RNF182: variants seen among roughly 807,000 people sequenced by gnomAD.
RNF182 encodes the protein ring finger protein 182, also known as E3 ubiquitin-protein ligase RNF182.
Under a neutral mutation model 14.4 loss-of-function variants are expected in RNF182, and 15 were observed. The ratio of observed to expected loss-of-function variants is 1.04; its 90% CI spans 0.70 to 1.60. RNF182 has a LOEUF of 1.60. Among genes scored for constraint, RNF182 ranks in the 40% most tolerant of loss-of-function variants. The probability of loss-of-function intolerance (pLI) is 0.00; values close to 1 mark genes in which losing one functional copy is unlikely to be tolerated. For missense variants in RNF182, 268 were observed against 294.8 expected, an observed-to-expected ratio of 0.91 and a Z score of 0.67; for synonymous variants, 128 against 122.9, an observed-to-expected ratio of 1.04 and a Z score of -0.27.
At chr6:13,951,159 A>G (rs1432774091) in intron 1 of RNF182, among the ~76,000 whole-genome samples, 7 of 152,156 alleles carry the variant, frequency 4.6e-5, no homozygotes, top group Non-Finnish European at 1.5e-5. Context: ...CACACACAAC[A>G]CATATAAATA....
chr6:13,927,385 G>A (rs1758856148), intron 1 of RNF182, among the ~76,000 whole-genome samples: 1 of 152,206 alleles, frequency 6.6e-6, no homozygotes, highest in African/African-American at 2.4e-5. Context: ...ATCCCCAGGT[G>A]TAAAATACTA....
At chr6:13,973,800 T>C (rs189415625) in intron 1 of RNF182, among the ~76,000 whole-genome samples, 8 of 152,322 alleles carry the variant, frequency 5.3e-5, no homozygotes, top group African/African-American at 1.9e-4. Context: ...AAACCTGACA[T>C]GTAGTCTAAT....
At chr6:13,952,632 C>T (rs2113616584) in intron 1 of RNF182, among the ~76,000 whole-genome samples, 1 of 152,234 alleles carries the variant, frequency 6.6e-6, no homozygotes, top group East Asian at 1.9e-4. Context: ...GGTATCATCC[C>T]TTCATGGCTC....
At chr6:13,938,419 A>G (rs1402832407) in intron 1 of RNF182, among the ~76,000 whole-genome samples, 2 of 151,430 alleles carry the variant, frequency 1.3e-5, no homozygotes, top group Non-Finnish European at 2.9e-5. Flanking sequence ...CTTGCTTTTA[A>G]CTCTTATAAT....
chr6:13,940,043 C>A lies in RNF182; in HGVS notation c.-367+15020C>A, dbSNP rs148727283. On this transcript the variant is annotated intron_variant, in intron 1 of 2. Transcript: ENST00000488300. ...TGCCTCATTGCTCTATCTAGGACCT[C>A]AATTATAATTTTGAATAGAAATGGT... Among the ~76,000 whole-genome samples the A allele has an allele frequency of 1.3e-3, 192 of 152,244 alleles. 2 individuals are homozygous for A. The highest frequency in any genetic ancestry group is 5.0e-3 in the South Asian group (24 of 4,828).
At chr6:13,966,241 A>G (rs182111595) in intron 1 of RNF182, among the ~76,000 whole-genome samples, 1 of 152,338 alleles carries the variant, frequency 6.6e-6, no homozygotes, top group East Asian at 1.9e-4. Flanking sequence ...ACTCAATAAT[A>G]CAAAGAAAAA....
intron 2 of RNF182, among the ~76,000 whole-genome samples, chr6:13,975,350 G>A (rs1417365182): frequency 1.3e-5 from 2 of 152,158 alleles, no homozygotes; most frequent in Non-Finnish European, 2.9e-5. Context: ...TAGGGCACAT[G>A]GAAGGAAAGG....
chr6:13,940,864 A>G (rs563251627), intron 1 of RNF182, among the ~76,000 whole-genome samples: 120 of 152,160 alleles, frequency 7.9e-4, no homozygotes, highest in African/African-American at 2.8e-3. Flanking sequence ...TTAATTTCCA[A>G]CGGTTTAGGA....
At chr6:13,945,898 G>A (rs774150999) in intron 1 of RNF182, among the ~76,000 whole-genome samples, 12 of 152,204 alleles carry the variant, frequency 7.9e-5, no homozygotes, top group Non-Finnish European at 1.3e-4. Context: ...AGTCCACAGA[G>A]TAAAGTGAAA....
At chr6:13,950,584 A>G (rs1759562874) in intron 1 of RNF182, among the ~76,000 whole-genome samples, 1 of 137,884 alleles carries the variant, frequency 7.3e-6, no homozygotes, top group East Asian at 2.1e-4. Flanking sequence ...TGCAACCTCC[A>G]TCTCCCGGGT....
At chr6:13,952,435 C>A (rs115569863) in intron 1 of RNF182, among the ~76,000 whole-genome samples, 1 of 152,032 alleles carries the variant, frequency 6.6e-6, no homozygotes, top group African/African-American at 2.4e-5. Context: ...CATTTTTGAC[C>A]AAAAGAGGCC....
intron 1 of RNF182, among the ~76,000 whole-genome samples, chr6:13,939,986 G>A (rs903083849): frequency 1.3e-5 from 2 of 152,138 alleles, no homozygotes; most frequent in Non-Finnish European, 2.9e-5. Context: ...TTTCTTTCTT[G>A]CCTGATTCTT....
intron 2 of RNF182, among the ~76,000 whole-genome samples, chr6:13,975,817 T>G (rs975424870): frequency 1.3e-5 from 2 of 152,202 alleles, no homozygotes; most frequent in Non-Finnish European, 2.9e-5. Flanking sequence ...AAATACATTT[T>G]GATATTTTTC....
chr6:13,979,834 G>A lies in RNF182; in HGVS notation c.*1971G>A, dbSNP rs1760447864. 1 of 166,972 alleles carries A rather than the reference G, an allele frequency of 6.0e-6. No individual in the cohort carries two copies. 10.3% of individuals were successfully genotyped at this position (166,972 alleles called of 1,614,324 possible). ...ATAATGTCTACAGTGATAAACTTGT[G>A]TCTCCGTGTATTGTGGCAGTCTTTT... is the stretch of plus-strand genomic sequence containing the variant. On this transcript the variant is annotated 3_prime_UTR_variant, in exon 3 of 3. Transcript: ENST00000488300.
chr6:13,944,387 C>T lies in RNF182; in HGVS notation c.-367+19364C>T, dbSNP rs998306398. Among the ~76,000 whole-genome samples the T allele has an allele frequency of 3.3e-5, 5 of 152,050 alleles. No individual in the cohort carries two copies. The South Asian group carries it at 8.3e-4, about 25-fold the overall frequency. On this transcript the variant is annotated intron_variant, in intron 1 of 2. Coordinates refer to ENST00000488300, the MANE Select transcript of RNF182 (RefSeq NM_152737.4). ...GGACATGGCCTTGGGCTGATAGAAC[C>T]TGAGCTAGTGTTTGTTCAAATGTCT...
intron 1 of RNF182, among the ~76,000 whole-genome samples, chr6:13,963,027 T>G (rs1561785186): frequency 1.3e-5 from 2 of 152,334 alleles, no homozygotes; most frequent in East Asian, 1.9e-4. Context: ...TGACTTCTTA[T>G]GTAATCTTAG....
intron 1 of RNF182, among the ~76,000 whole-genome samples, chr6:13,930,921 C>T (rs1410087396): frequency 6.6e-6 from 1 of 152,204 alleles, no homozygotes; most frequent in Non-Finnish European, 1.5e-5. Flanking sequence ...CTGAATTTGA[C>T]TATGATTGCT....
intron 1 of RNF182, among the ~76,000 whole-genome samples, chr6:13,964,922 A>G (rs574153067): frequency 6.6e-6 from 1 of 152,276 alleles, no homozygotes; most frequent in Admixed American, 6.5e-5. Flanking sequence ...ATCACAGGAG[A>G]AGAGACCATT....
chr6:13,953,591 G>A (rs1227785434), intron 1 of RNF182, among the ~76,000 whole-genome samples: 1 of 152,182 alleles, frequency 6.6e-6, no homozygotes, highest in Non-Finnish European at 1.5e-5. Flanking sequence ...GGCTTATAAA[G>A]TGGCGTAAGT....
Sources: allele counts gnomAD v4.1 joint callset (sites outside exome capture counted in the v4.1 genomes callset), GRCh38; gene constraint gnomAD v4.1.1; transcripts MANE v1.5; gene names NCBI Gene and HGNC (gene_info 2026-07-23, HGNC 2026-07-21).